Variants in PDE10A observed in about 807,000 individuals in gnomAD.
PDE10A encodes phosphodiesterase 10A.
In PDE10A, 39 loss-of-function variants were observed where a neutral mutation model predicts 97.7. That is an observed-to-expected ratio of 0.40 (90% CI 0.31 to 0.52). The LOEUF (loss-of-function observed/expected upper bound fraction) is 0.52. PDE10A is among the 20% of genes least tolerant of loss of function. The pLI, the probability that PDE10A is intolerant of heterozygous loss-of-function variation, is 0.56. For synonymous variants in PDE10A, 371 were observed against 376.8 expected (o/e 0.98, Z 0.18); for missense variants, 731 against 1,047.8 (o/e 0.70, Z 4.17).
At chr6:165,563,920 T>C (rs1232475721) in intron 1 of PDE10A, among the ~76,000 whole-genome samples, 1 of 150,360 alleles carries the variant, frequency 6.7e-6, no homozygotes. Context: ...ATAATGATGA[T>C]ACAAATGAAA....
intron 18 of PDE10A, among the ~76,000 whole-genome samples, chr6:165,357,561 T>C (rs1164198962): frequency 6.6e-6 from 1 of 152,140 alleles, no homozygotes; most frequent in Non-Finnish European, 1.5e-5. Context: ...ATTTCTTCAA[T>C]GAAATATTCA....
intron 1 of PDE10A, among the ~76,000 whole-genome samples, chr6:165,749,693 T>C (rs1792952805): frequency 6.6e-6 from 1 of 152,270 alleles, no homozygotes; most frequent in Non-Finnish European, 1.5e-5. Flanking sequence ...ACCCCCAATC[T>C]AATTTTTTAA....
intron 17 of PDE10A, among the ~76,000 whole-genome samples, chr6:165,381,045 CTCTT>C (rs3834304): frequency 0.46 from 70,444 of 151,958 alleles, 17,130 homozygotes; most frequent in African/African-American, 0.62. Context: ...ATGCTTTACT[CTCTT>C]TATCACCAAT....
chr6:165,346,250 C>A (rs562249872), intron 18 of PDE10A, among the ~76,000 whole-genome samples: 25 of 152,140 alleles, frequency 1.6e-4, no homozygotes, highest in African/African-American at 5.8e-4. Context: ...TAGGAGAACC[C>A]TACAGTAGTT....
intron 1 of PDE10A, among the ~76,000 whole-genome samples, chr6:165,736,898 A>G (rs1047269234): frequency 1.3e-5 from 2 of 152,216 alleles, no homozygotes; most frequent in Admixed American, 1.3e-4. Context: ...AGCAAAATTG[A>G]CAAACGTTTA....
intron 1 of PDE10A, among the ~76,000 whole-genome samples, chr6:165,692,838 A>T (rs577945280): frequency 6.6e-6 from 1 of 152,314 alleles, no homozygotes; most frequent in South Asian, 2.1e-4. Context: ...TACATTAGGG[A>T]AAGTATTGTC....
At chr6:165,940,535 G>A (rs1783481647) in intron 1 of PDE10A, 1 of 152,278 alleles carries the variant, frequency 6.6e-6, no homozygotes, top group African/African-American at 2.4e-5. Flanking sequence ...GGCGCAGCCT[G>A]GCGCTCTGCG....
intron 1 of PDE10A, among the ~76,000 whole-genome samples, chr6:165,615,280 C>T (rs958384834): frequency 5.9e-5 from 9 of 151,492 alleles, no homozygotes; most frequent in African/African-American, 2.2e-4. Flanking sequence ...AATTCAATTC[C>T]ATTCATTATT....
intron 1 of PDE10A, among the ~76,000 whole-genome samples, chr6:165,563,312 A>G (rs1296050819): frequency 6.6e-6 from 1 of 151,996 alleles, no homozygotes; most frequent in African/African-American, 2.4e-5. Flanking sequence ...TCAAGAAGTT[A>G]CTATGCTATT....
At chr6:165,851,097 G>A (rs142978102) in intron 1 of PDE10A, among the ~76,000 whole-genome samples, 172 of 152,292 alleles carry the variant, frequency 1.1e-3, no homozygotes, top group Non-Finnish European at 2.0e-3. Flanking sequence ...CTGCTTACAC[G>A]TAAGACAACT....
chr6:165,572,780 T>G (rs1310050456), intron 1 of PDE10A, among the ~76,000 whole-genome samples: 1 of 152,148 alleles, frequency 6.6e-6, no homozygotes, highest in Non-Finnish European at 1.5e-5. Context: ...GAAGCTGCAG[T>G]GAGCCACGAT....
chr6:165,837,834 C>T (rs9364818), intron 1 of PDE10A, among the ~76,000 whole-genome samples: 97,896 of 148,446 alleles, frequency 0.66, 32,094 homozygotes, highest in Middle Eastern at 0.76. Context: ...TACAGGCGCC[C>T]GCCACCACAC....
intron 1 of PDE10A, among the ~76,000 whole-genome samples, chr6:165,983,127 G>A (rs1785071115): frequency 6.6e-6 from 1 of 151,800 alleles, no homozygotes; most frequent in Non-Finnish European, 1.5e-5. Context: ...GGACATCCAA[G>A]GAAACATTCA....
At chr6:165,341,240 A>G (rs1781951132) in intron 19 of PDE10A, among the ~76,000 whole-genome samples, 1 of 152,206 alleles carries the variant, frequency 6.6e-6, no homozygotes, top group African/African-American at 2.4e-5. Flanking sequence ...ACCTAAGAGC[A>G]TGCAGAGAGC....
chr6:165,876,114 C>T (rs561885214), intron 1 of PDE10A, among the ~76,000 whole-genome samples: 10 of 152,302 alleles, frequency 6.6e-5, no homozygotes, highest in South Asian at 2.1e-4. Flanking sequence ...GTTTATGATG[C>T]GACTGATCCA....
rs908393391 is a variant in PDE10A, at chr6:165,794,664, C to T, written c.-615+192865G>A. On this transcript the variant is annotated intron_variant, in intron 1 of 19. Coordinates refer to the PDE10A transcript ENST00000366882. ...ACACTCTCACACACATTCACACACTCAATAACTCACACACTGACAGGAATA... is the reference window on the plus strand; with the variant it reads ...ACACTCTCACACACATTCACACACTTAATAACTCACACACTGACAGGAATA... Among the ~76,000 whole-genome samples the T allele has an allele frequency of 2.6e-5, 4 of 152,268 alleles. 1 individual carries two copies. Among genetic ancestry groups the T allele is most frequent in the African/African-American group, 4.8e-5 (2 of 41,532 alleles).
intron 2 of PDE10A, among the ~76,000 whole-genome samples, chr6:165,491,242 G>C (rs535719240): frequency 6.6e-6 from 1 of 151,908 alleles, no homozygotes; most frequent in Non-Finnish European, 1.5e-5. Context: ...ACACTGGAGC[G>C]CCCAAATTTA....
At chr6:165,564,761 A>G (rs902732642) in intron 1 of PDE10A, among the ~76,000 whole-genome samples, 2 of 152,230 alleles carry the variant, frequency 1.3e-5, no homozygotes, top group Admixed American at 1.3e-4. Flanking sequence ...TACTTTAAAC[A>G]TTTTATTTTC....
intron 1 of PDE10A, among the ~76,000 whole-genome samples, chr6:165,615,593 T>C (rs1787691523): frequency 6.6e-6 from 1 of 152,206 alleles, no homozygotes; most frequent in South Asian, 2.1e-4. Flanking sequence ...TGAGGTTCTT[T>C]TAAAAATGAC....
Sources: allele counts gnomAD v4.1 joint callset (sites outside exome capture counted in the v4.1 genomes callset), GRCh38; gene constraint gnomAD v4.1.1; transcripts MANE v1.5; gene names NCBI Gene and HGNC (gene_info 2026-07-23, HGNC 2026-07-21).